Variants in CSMD1 observed in about 807,000 individuals in gnomAD.
The protein encoded by CSMD1 is CUB and Sushi multiple domains 1.
In CSMD1, 213 loss-of-function variants were observed where a neutral mutation model predicts 417.5. The observed-to-expected ratio is 0.51, with a 90% CI of 0.46 to 0.57. The LOEUF is 0.57. Among genes scored for constraint, CSMD1 ranks in the 20% least tolerant of loss-of-function variants. The probability of loss-of-function intolerance (pLI) is 0.00; values close to 1 mark genes in which losing one functional copy is unlikely to be tolerated. For missense variants in CSMD1, 6,923 were observed against 4,529.7 expected (o/e 1.53, Z -15.17); for synonymous variants, 2,862 against 1,736.8 (o/e 1.65, Z -16.11).
At chr8:4,456,984 T>TAAAA (rs1442562495) in intron 2 of CSMD1, among the ~76,000 whole-genome samples, 13 of 78,592 alleles carry the variant, frequency 1.7e-4, no homozygotes, top group African/African-American at 5.1e-4. Context: ...TGGTTTTTTT[T>TAAAA]TAAAAAAAAA....
chr8:3,703,130 G>A (rs958647652), intron 7 of CSMD1, among the ~76,000 whole-genome samples: 5 of 152,128 alleles, frequency 3.3e-5, no homozygotes, highest in African/African-American at 1.2e-4. Context: ...AAACATTACT[G>A]ATTACAAGCT....
intron 4 of CSMD1, among the ~76,000 whole-genome samples, chr8:4,011,752 C>T (rs1374460591): frequency 6.6e-6 from 1 of 152,064 alleles, no homozygotes; most frequent in Non-Finnish European, 1.5e-5. Flanking sequence ...TCATTTTCTC[C>T]CAGTGGTTAC....
chr8:4,031,218 T>C (rs564818385), intron 4 of CSMD1, among the ~76,000 whole-genome samples: 4 of 152,314 alleles, frequency 2.6e-5, no homozygotes, highest in Admixed American at 6.5e-5. Flanking sequence ...TACCAATCTA[T>C]TGTATTAGTT....
At chr8:3,679,841 G>C (rs1025196260) in intron 7 of CSMD1, among the ~76,000 whole-genome samples, 10 of 152,146 alleles carry the variant, frequency 6.6e-5, no homozygotes, top group Admixed American at 4.6e-4. Flanking sequence ...CTGTATCTCA[G>C]ACCACAGTGC....
intron 23 of CSMD1, among the ~76,000 whole-genome samples, chr8:3,316,567 G>A (rs1805778104): frequency 1.3e-5 from 2 of 152,140 alleles, no homozygotes; most frequent in African/African-American, 4.8e-5. Context: ...GGGGCCTCCT[G>A]GACGCCATCC....
At chr8:3,040,887 T>C (rs1811043097) in intron 50 of CSMD1, among the ~76,000 whole-genome samples, 1 of 152,328 alleles carries the variant, frequency 6.6e-6, no homozygotes, top group South Asian at 2.1e-4. Flanking sequence ...CTGAGTAATA[T>C]TTTCATATAA....
chr8:4,121,575 T>A (rs2130944786), intron 3 of CSMD1, among the ~76,000 whole-genome samples: 1 of 151,814 alleles, frequency 6.6e-6, no homozygotes, highest in African/African-American at 2.4e-5. Flanking sequence ...AATCTTTTAT[T>A]TTTTTTTCAA....
chr8:4,750,119 C>T lies in CSMD1; in HGVS notation c.86-112561G>A, dbSNP rs546340316. The stretch of plus-strand genomic sequence containing the variant: ...CTCCCGGGTTCACCCCATTCTCCTG[C>T]CTCAGCCTCCCGAGTAGCTGGGACT... On this transcript the variant is annotated intron_variant, in intron 1 of 69. Transcript: ENST00000635120. 5.8e-4 allele frequency among the ~76,000 whole-genome samples: 88 copies of T among 152,300 alleles called. No individual in the cohort carries two copies. The South Asian group carries it at 0.011, about 18-fold the overall frequency.
chr8:4,155,801 G>A (rs767584612), intron 3 of CSMD1, among the ~76,000 whole-genome samples: 15 of 152,076 alleles, frequency 9.9e-5, no homozygotes, highest in Admixed American at 2.0e-4. Context: ...GCCACAAAGG[G>A]GAATACACAA....
chr8:3,442,522 T>G (rs944709921), intron 12 of CSMD1, among the ~76,000 whole-genome samples: 2 of 152,224 alleles, frequency 1.3e-5, no homozygotes, highest in African/African-American at 2.4e-5. Context: ...CTTGTTACAA[T>G]TGCCTGTAGT....
intron 1 of CSMD1, among the ~76,000 whole-genome samples, chr8:4,882,085 G>C (rs1005528067): frequency 6.6e-6 from 1 of 151,950 alleles, no homozygotes; most frequent in Non-Finnish European, 1.5e-5. Flanking sequence ...CGAATAATAA[G>C]CCCTCATTTA....
At chr8:4,928,834 C>T (rs562190106) in intron 1 of CSMD1, among the ~76,000 whole-genome samples, 1 of 152,212 alleles carries the variant, frequency 6.6e-6, no homozygotes, top group African/African-American at 2.4e-5. Flanking sequence ...CTTTGGGAGG[C>T]TGAGGTGAGT....
chr8:3,437,132 A>T (rs956614553), intron 12 of CSMD1, among the ~76,000 whole-genome samples: 2 of 152,152 alleles, frequency 1.3e-5, no homozygotes, highest in Admixed American at 6.5e-5. Context: ...TCCTCCTGGT[A>T]GGGAGGGAAA....
chr8:3,615,837 C>G (rs1428344702), intron 8 of CSMD1, among the ~76,000 whole-genome samples: 1 of 152,068 alleles, frequency 6.6e-6, no homozygotes, highest in Non-Finnish European at 1.5e-5. Flanking sequence ...TATTTTACAG[C>G]TGCTTCTAAT....
chr8:3,556,412 T>TACATAC (rs1554468305), intron 10 of CSMD1, among the ~76,000 whole-genome samples: 1 of 134,622 alleles, frequency 7.4e-6, no homozygotes. Flanking sequence ...TATATATATA[T>TACATAC]ATTCACACAC....
chr8:4,111,858 C>G (rs1033442308), intron 3 of CSMD1, among the ~76,000 whole-genome samples: 24 of 152,132 alleles, frequency 1.6e-4, no homozygotes, highest in African/African-American at 5.8e-4. Context: ...GTGCCGCAAA[C>G]CAACATGGCA....
chr8:3,036,580 C>G (rs1392945659), intron 50 of CSMD1, among the ~76,000 whole-genome samples: 1 of 152,124 alleles, frequency 6.6e-6, no homozygotes. Context: ...CAGTCTAGCA[C>G]TAAAAACCTG....
intron 2 of CSMD1, among the ~76,000 whole-genome samples, chr8:4,512,728 C>G (rs1802889611): frequency 6.6e-6 from 1 of 151,212 alleles, no homozygotes; most frequent in South Asian, 2.1e-4. Flanking sequence ...ATAAATCTAG[C>G]AAAATACATA....
chr8:3,254,875 A>T (rs888830382), intron 26 of CSMD1, among the ~76,000 whole-genome samples: 1 of 152,078 alleles, frequency 6.6e-6, no homozygotes, highest in African/African-American at 2.4e-5. Flanking sequence ...TCAACTTGTC[A>T]AAGTCATTCT....
Sources: allele counts gnomAD v4.1 joint callset (sites outside exome capture counted in the v4.1 genomes callset), GRCh38; gene constraint gnomAD v4.1.1; transcripts MANE v1.5; gene names NCBI Gene and HGNC (gene_info 2026-07-23, HGNC 2026-07-21).